Variants in MAF1 observed in about 807,000 individuals in gnomAD.
MAF1 encodes the protein MAF1 negative regulator of RNA polymerase III, also known as repressor of RNA polymerase III transcription MAF1 homolog.
A neutral mutation model predicts 31.9 loss-of-function variants in MAF1; 7 were observed. That is an observed-to-expected ratio of 0.22 (90% CI 0.12 to 0.41). The LOEUF is 0.41. MAF1 is among the 10% of genes least tolerant of loss of function. The probability of loss-of-function intolerance (pLI) is 1.00; values close to 1 mark genes in which losing one functional copy is unlikely to be tolerated. For missense variants in MAF1, 221 were observed against 323.1 expected (o/e 0.68, Z 2.42); for synonymous variants, 157 against 120.0 (o/e 1.31, Z -2.02).
Position 144,106,877 on chromosome 8 carries a change from C to T in MAF1, c.663C>T (p.Asp221=), listed in dbSNP as rs1181253428. The change falls in exon 7 of 8, where the codon GAC becomes GAT. Residue 221 remains aspartate (D), a synonymous_variant. Transcript: ENST00000322428. The part of the protein sequence containing the change: ...YTPSEAGNEL[D]MELGEEEVEE... Reference sequence around the variant, plus strand: ...CCTCAGAGGCAGGCAACGAGCTGGACATGGAGCTGGGGGAGGAGGAGGTGG... The same window carrying T: ...CCTCAGAGGCAGGCAACGAGCTGGATATGGAGCTGGGGGAGGAGGAGGTGG... 6.5e-7 allele frequency: 1 copy of T among 1,532,536 alleles called. No homozygotes were observed. The highest frequency in any genetic ancestry group is 2.3e-5 in the East Asian group (1 of 44,272). The allele number at this position is 1,532,536 out of a possible 1,614,324, so 94.9% of individuals were successfully genotyped here.
chr8:144,107,005 G>A (rs1314333948), intron 7 of MAF1, 42 bp downstream of exon 7: 2 of 1,552,608 alleles, frequency 1.3e-6, no homozygotes, highest in Non-Finnish European at 1.7e-6. Flanking sequence ...GAAGCCTGGA[G>A]TGGGTACAAC....
chr8:144,105,415 C>T (rs943008405), intron 1 of MAF1: 3 of 515,186 alleles, frequency 5.8e-6, no homozygotes, highest in African/African-American at 1.9e-5. Context: ...CTCGCGTGTT[C>T]TGCAGGGGGT....
In MAF1 at chr8:144,105,683, C is replaced by T. The variant is rs1836397929; in HGVS notation, c.-1C>T. On this transcript the variant is annotated 5_prime_UTR_variant, in exon 2 of 8. Coordinates refer to ENST00000322428, the MANE Select transcript of MAF1 (RefSeq NM_032272.5). The stretch of plus-strand genomic sequence containing the variant: ...GAGCACGGAGCTCCTTCCCCAAAGA[C>T]ATGAAGCTATTGGAGAACTCGAGCT... 2.5e-6 allele frequency: 4 copies of T among 1,613,278 alleles called. No individual in the cohort carries two copies. Among genetic ancestry groups the T allele is most frequent in the South Asian group, 1.1e-5 (1 of 91,086 alleles).
chr8:144,106,165 A>G lies in MAF1; in HGVS notation c.302A>G (p.Asn101Ser), dbSNP rs78648437. 1 of 1,613,812 alleles carries G rather than the reference A, an allele frequency of 6.2e-7. No individual in the cohort carries two copies. Among genetic ancestry groups the G allele is most frequent in the Non-Finnish European group, 8.5e-7 (1 of 1,180,018 alleles). ...CTCTTCTACCTGATTGCCACGCTCAATGAGTCCTTCAGGCCTGACTATGAC... is the reference window on the plus strand; with the variant it reads ...CTCTTCTACCTGATTGCCACGCTCAGTGAGTCCTTCAGGCCTGACTATGAC... Reference protein sequence around the residue: ...KTLFYLIATLNESFRPDYDFS... With the variant: ...KTLFYLIATLSESFRPDYDFS... The change falls in exon 4 of 8, where the codon AAT becomes AGT. Residue 101 changes from asparagine (N) to serine (S), a missense_variant. Physicochemically the swap from Asn to Ser is conservative, Grantham distance 46 (BLOSUM62 1). Around this residue, in one of 2 missense-constraint regions of MAF1, gnomAD observed 146 missense variants for 263.1 expected, o/e 0.56. Coordinates refer to ENST00000322428, the MANE Select transcript of MAF1 (RefSeq NM_032272.5).
At chr8:144,105,520 A>G (rs1016110589) in intron 1 of MAF1, 120 bp from the exon 2 acceptor site, 37 of 627,382 alleles carry the variant, frequency 5.9e-5, no homozygotes, top group Non-Finnish European at 9.3e-5. Flanking sequence ...CCTGATGTGC[A>G]GCCTGGACAG....
chr8:144,106,786 A>G (rs749606156), intron 6 of MAF1, 49 bp from the exon 7 acceptor site: 41 of 1,557,362 alleles, frequency 2.6e-5, no homozygotes, highest in Non-Finnish European at 3.1e-5. Flanking sequence ...TGGGGCCAGC[A>G]GCAGGCCTGG....
Position 144,106,332 on chromosome 8 carries a change from A to T in MAF1, c.379-11A>T. The T allele has an allele frequency of 6.2e-7, 1 of 1,613,092 alleles. No individual in the cohort carries two copies. Among genetic ancestry groups the T allele is most frequent in the Non-Finnish European group, 8.5e-7 (1 of 1,179,446 alleles). On this transcript the variant is annotated splice_polypyrimidine_tract_variant and intron_variant, in intron 4 of 7. Coordinates refer to ENST00000322428, the MANE Select transcript of MAF1 (RefSeq NM_032272.5). ...CTGGGCTCCTGTCACCCTGACTGTG[A>T]CCTGCCCTAGGTGGTGAATGCAGTC...
At chr8:144,105,486 C>T (rs888748376) in intron 1 of MAF1, 154 bp from the exon 2 acceptor site, 2 of 600,094 alleles carry the variant, frequency 3.3e-6, no homozygotes, top group Non-Finnish European at 5.9e-6. Context: ...TGTCACCTCT[C>T]CTGGCCGGGC....
Position 144,107,331 on chromosome 8 carries a change from C to T in MAF1, c.*222C>T. The T allele has an allele frequency of 1.6e-6, 1 of 630,240 alleles. No individual in the cohort carries two copies. Among genetic ancestry groups the T allele is most frequent in the Non-Finnish European group, 2.8e-6 (1 of 359,414 alleles). 39.0% of individuals were successfully genotyped at this position (630,240 alleles called of 1,614,324 possible). The stretch of plus-strand genomic sequence containing the variant: ...CCCATGCTGTGGCCGGACTTGTCAG[C>T]AGGGGGCCTGGTGGGAGGAGCGACT... On this transcript the variant is annotated 3_prime_UTR_variant, in exon 8 of 8. Transcript: ENST00000322428.
Position 144,105,743 on chromosome 8 carries a change from T to A in MAF1, c.60T>A (p.Thr20=), listed in dbSNP as rs11136256. Residue 20 remains threonine (T), a synonymous_variant, in exon 2 of 8, where the codon ACT becomes ACA. Transcript: ENST00000322428. ...TCAACTCACAGCTGACTGTGGAGAC[T>A]GGAGATGCCCACATCATTGGCAGGT... ...EAINSQLTVE[T]GDAHIIGRIE... 3 of 1,613,092 alleles carry A rather than the reference T, an allele frequency of 1.9e-6. No individual in the cohort carries two copies. Among genetic ancestry groups the A allele is most frequent in the East Asian group, 4.5e-5 (2 of 44,882 alleles).
intron 2 of MAF1, 45 bp downstream of exon 2, chr8:144,105,811 G>A (rs754028171): frequency 4.3e-6 from 7 of 1,612,782 alleles, no homozygotes; most frequent in East Asian, 2.2e-5. Context: ...TCACACTGCC[G>A]CGCCCTTCAG....
chr8:144,105,613 C>G, intron 1 of MAF1, 27 bp from the exon 2 acceptor site: 4 of 1,401,988 alleles, frequency 2.9e-6, no homozygotes, highest in Non-Finnish European at 4.0e-6. Flanking sequence ...CAGATAGATA[C>G]CCATGGTCTG....
In MAF1 at chr8:144,105,986, G is replaced by C. The variant is rs1836405096; in HGVS notation, c.201G>C (p.Leu67=). The stretch of plus-strand genomic sequence containing the variant: ...TTTCTCCACCCCAGACTTCAGGACT[G>C]AGCCCCAGCAGGTGAGCCATGGTGG... ...EALSPPQTSG[L]SPSRLSKSQG... The change falls in exon 3 of 8, where the codon CTG becomes CTC. Residue 67 remains leucine, a synonymous_variant. Coordinates refer to ENST00000322428, the MANE Select transcript of MAF1 (RefSeq NM_032272.5). 3.1e-6 allele frequency: 5 copies of C among 1,613,300 alleles called. No individual in the cohort carries two copies. The Admixed American group carries it at 8.3e-5, about 27-fold the overall frequency.
Position 144,106,080 on chromosome 8 carries a change from A to G in MAF1, c.217A>G (p.Ser73Gly), listed in dbSNP as rs200075787. The G allele has an allele frequency of 2.7e-4, 439 of 1,613,540 alleles. 1 individual carries two copies. Among genetic ancestry groups the G allele is most frequent in the Non-Finnish European group, 3.5e-4 (408 of 1,180,020 alleles). ...CTGATGGTTCTGTCTGTGCAGACTC[A>G]GCAAAAGCCAAGGCGGTGAGGAGGA... is the stretch of plus-strand genomic sequence containing the variant. ...QTSGLSPSRL[S>G]KSQGGEEEGP... Residue 73 changes from serine (S) to glycine (G), a missense_variant, in exon 4 of 8, where the codon AGC becomes GGC. By Grantham distance (56) the Ser-to-Gly change is moderately conservative. Transcript: ENST00000322428.
At chr8:144,106,779 G>C (rs1836422826) in intron 6 of MAF1, 56 bp from the exon 7 acceptor site, 1 of 1,559,680 alleles carries the variant, frequency 6.4e-7, no homozygotes, top group African/African-American at 1.4e-5. Flanking sequence ...TCCTCCCTGG[G>C]GCCAGCAGCA....
chr8:144,106,485 A>C (rs1380208247), intron 5 of MAF1, 21 bp downstream of exon 5: 1 of 1,613,902 alleles, frequency 6.2e-7, no homozygotes, highest in South Asian at 1.1e-5. Context: ...ATCCCTGCAG[A>C]TGGCCTCCAG....
chr8:144,105,556 G>T lies in MAF1; in HGVS notation c.-44-84G>T, dbSNP rs575107274. ...AGGCCAGACTCAGCTTGTTCCTAGC[G>T]GCTCCACTTAGTGGGTAGGAGGGCT... On this transcript the variant is annotated intron_variant, in intron 1 of 7. Transcript: ENST00000322428. 2.8e-5 allele frequency: 21 copies of T among 763,222 alleles called. No individual in the cohort carries two copies. In the South Asian group the frequency reaches 3.4e-4, roughly 12 times the overall value. 47.3% of individuals were successfully genotyped at this position (763,222 alleles called of 1,614,324 possible). A position where few individuals can be genotyped will look rare whatever the true frequency, so the allele number is the denominator to read the frequency against.
At chr8:144,105,451 C>A (rs1222114152) in intron 1 of MAF1, 189 bp from the exon 2 acceptor site, 4 of 574,566 alleles carry the variant, frequency 7.0e-6, no homozygotes, top group Admixed American at 3.0e-5. Context: ...CCTGGACTTA[C>A]CACCCTCAGG....
In MAF1 at chr8:144,106,912, G is replaced by A; in HGVS notation, c.698G>A (p.Ser233Asn). ...ELGEEEVEEE[S>N]RSGGSGAEET... is the part of the protein sequence containing the mutation. ...GGGGAGGAGGAGGTGGAGGAAGAAA[G>A]CAGAAGCGGGGGCAGTGGGGCCGAG... is the stretch of plus-strand genomic sequence containing the variant. The change falls in exon 7 of 8, where the codon AGC (serine) becomes AAC (asparagine). Residue 233 changes from serine (S) to asparagine (N), a missense_variant. This residue lies in a region of MAF1 where 75 missense variants were observed against 60.1 expected (regional missense o/e 1.25). Transcript: ENST00000322428. The A allele has an allele frequency of 6.5e-7, 1 of 1,527,186 alleles. No individual in the cohort carries two copies. Among genetic ancestry groups the A allele is most frequent in the Non-Finnish European group, 8.8e-7 (1 of 1,139,790 alleles). 94.6% of individuals were successfully genotyped at this position (1,527,186 alleles called of 1,614,324 possible). A position where few individuals can be genotyped will look rare whatever the true frequency, so the allele number is the denominator to read the frequency against.
Sources: gnomAD v4.1 joint callset for allele counts on GRCh38, gnomAD v4.1.1 for gene constraint, gnomAD v4.1.1 regional missense constraint, MANE v1.5 for transcripts, NCBI Gene and HGNC (gene_info 2026-07-23, HGNC 2026-07-21) for gene names.